CDH18: variants seen among roughly 807,000 people sequenced by gnomAD.
The protein encoded by CDH18 is cadherin-18.
A neutral mutation model predicts 67.9 loss-of-function variants in CDH18; 31 were observed. That is an observed-to-expected ratio of 0.46 (90% confidence interval 0.34 to 0.62). The LOEUF is 0.62. Among genes scored for constraint, CDH18 ranks in the 20% least tolerant of loss-of-function variants. The probability of loss-of-function intolerance (pLI) is 0.01; values close to 1 mark genes in which losing one functional copy is unlikely to be tolerated. For synonymous variants in CDH18, 362 were observed against 347.2 expected, an observed-to-expected ratio of 1.04 and a Z score of -0.48; for missense variants, 890 against 975.5, an observed-to-expected ratio of 0.91 and a Z score of 1.17.
intron 2 of CDH18, among the ~76,000 whole-genome samples, chr5:19,952,228 T>C (rs2150267834): frequency 6.6e-6 from 1 of 152,202 alleles, no homozygotes; most frequent in South Asian, 2.1e-4. Context: ...TTTTTGTGGT[T>C]TTAGTAGAGA....
intron 1 of CDH18, among the ~76,000 whole-genome samples, chr5:20,372,840 T>A (rs61404634): frequency 0.023 from 3,436 of 151,414 alleles, 98 homozygotes; most frequent in East Asian, 0.075. Flanking sequence ...ATATTTTTTA[T>A]TTTTTTTTCC....
intron 2 of CDH18, among the ~76,000 whole-genome samples, chr5:19,862,212 G>GA (rs11403371): frequency 0.83 from 125,854 of 152,076 alleles, 53,113 homozygotes; most frequent in Non-Finnish European, 0.91. Flanking sequence ...ATACATTACA[G>GA]AACATTCAAA....
intron 1 of CDH18, among the ~76,000 whole-genome samples, chr5:20,486,775 T>C (rs1753218797): frequency 6.6e-6 from 1 of 151,674 alleles, no homozygotes; most frequent in Admixed American, 6.6e-5. Flanking sequence ...AGATGAATGG[T>C]ACTGTATGTT....
At chr5:20,557,267 A>C (rs982878422) in intron 1 of CDH18, among the ~76,000 whole-genome samples, 1 of 152,162 alleles carries the variant, frequency 6.6e-6, no homozygotes, top group Non-Finnish European at 1.5e-5. Flanking sequence ...ATGCAAGTTC[A>C]ACCAATAATT....
chr5:19,749,068 G>A (rs966382586), intron 3 of CDH18, among the ~76,000 whole-genome samples: 1 of 152,026 alleles, frequency 6.6e-6, no homozygotes, highest in Non-Finnish European at 1.5e-5. Flanking sequence ...GTATGAAAAT[G>A]TGTTTATTTA....
intron 1 of CDH18, among the ~76,000 whole-genome samples, chr5:20,311,922 C>T (rs554391332): frequency 1.3e-5 from 2 of 152,254 alleles, no homozygotes; most frequent in African/African-American, 4.8e-5. Flanking sequence ...TACTCCATCT[C>T]ATTGTAGAAG....
intron 2 of CDH18, among the ~76,000 whole-genome samples, chr5:20,150,845 A>T (rs1751041018): frequency 6.6e-6 from 1 of 152,044 alleles, no homozygotes; most frequent in Non-Finnish European, 1.5e-5. Flanking sequence ...ATACATTTTT[A>T]AATAATAATA....
intron 2 of CDH18, among the ~76,000 whole-genome samples, chr5:20,068,897 G>C (rs1230076200): frequency 6.6e-6 from 1 of 152,040 alleles, no homozygotes; most frequent in African/African-American, 2.4e-5. Context: ...TCATAAACAT[G>C]ATAATGAGAA....
At chr5:20,387,443 C>T (rs528893579) in intron 1 of CDH18, among the ~76,000 whole-genome samples, 144 of 152,172 alleles carry the variant, frequency 9.5e-4, no homozygotes, top group African/African-American at 3.3e-3. Flanking sequence ...TGTGAAGTTC[C>T]CTATCAGCTT....
chr5:19,529,224 G>T (rs1012767627), intron 9 of CDH18, among the ~76,000 whole-genome samples: 21 of 151,978 alleles, frequency 1.4e-4, no homozygotes, highest in Admixed American at 1.4e-3. Flanking sequence ...TTAAAAATCA[G>T]TGAATATAAT....
intron 5 of CDH18, among the ~76,000 whole-genome samples, chr5:19,654,877 A>G (rs1756116211): frequency 6.6e-6 from 1 of 152,088 alleles, no homozygotes; most frequent in Non-Finnish European, 1.5e-5. Flanking sequence ...CTCCCCTCCA[A>G]CCATCCCCTG....
At chr5:20,052,069 T>C (rs919715237) in intron 2 of CDH18, among the ~76,000 whole-genome samples, 2 of 152,094 alleles carry the variant, frequency 1.3e-5, no homozygotes, top group Non-Finnish European at 1.5e-5. Flanking sequence ...CATGTAAAGA[T>C]GAATTAAACT....
intron 1 of CDH18, among the ~76,000 whole-genome samples, chr5:20,353,925 C>T (rs947496125): frequency 6.6e-6 from 1 of 152,176 alleles, no homozygotes; most frequent in African/African-American, 2.4e-5. Context: ...TTAGAACTTT[C>T]TTGTTCTTAA....
intron 3 of CDH18, among the ~76,000 whole-genome samples, chr5:19,781,906 T>C (rs924490841): frequency 1.3e-5 from 2 of 152,332 alleles, no homozygotes; most frequent in South Asian, 2.1e-4. Context: ...TATATGGATA[T>C]CATATTTCTA....
At chr5:20,487,184 C>T (rs1310638341) in intron 1 of CDH18, among the ~76,000 whole-genome samples, 1 of 152,100 alleles carries the variant, frequency 6.6e-6, no homozygotes, top group East Asian at 1.9e-4. Flanking sequence ...AGGTCCTCAC[C>T]TCTAACCCTT....
At chr5:19,791,442 A>G (rs1205737970) in intron 3 of CDH18, among the ~76,000 whole-genome samples, 4 of 152,038 alleles carry the variant, frequency 2.6e-5, no homozygotes, top group Non-Finnish European at 5.9e-5. Context: ...ATTTCTCTTG[A>G]TAAAGTTGTA....
At chr5:19,538,606 C>A (rs747129107) in intron 9 of CDH18, among the ~76,000 whole-genome samples, 1 of 151,906 alleles carries the variant, frequency 6.6e-6, no homozygotes, top group Non-Finnish European at 1.5e-5. Context: ...AATAACCTGA[C>A]CAATGATTGG....
At chr5:19,622,658 T>C (rs1448856097) in intron 5 of CDH18, among the ~76,000 whole-genome samples, 3 of 152,146 alleles carry the variant, frequency 2.0e-5, no homozygotes, top group African/African-American at 4.8e-5. Flanking sequence ...TCTAGCTAGA[T>C]TGTTAATGAC....
Position 19,571,695 on chromosome 5 carries a change from T to C in CDH18, c.1137A>G (p.Glu379=). The change falls in exon 8 of 13, where the codon GAA becomes GAG. Residue 379 remains glutamate, a synonymous_variant. Coordinates refer to ENST00000382275, the MANE Select transcript of CDH18 (RefSeq NM_004934.5). ...AGGAAGGCATGGAAAATAGTGGTGG[T>C]TCATCTACATCCCCAACAATGATCT... is the stretch of plus-strand genomic sequence containing the variant. The part of the protein sequence containing the change: ...MLKIIVGDVD[E]PPLFSMPSYL... The C allele has an allele frequency of 6.2e-7, 1 of 1,614,016 alleles. No homozygotes were observed.
Sources: allele counts gnomAD v4.1 joint callset (sites outside exome capture counted in the v4.1 genomes callset), GRCh38; gene constraint gnomAD v4.1.1; transcripts MANE v1.5; gene names NCBI Gene and HGNC (gene_info 2026-07-23, HGNC 2026-07-21).